The following SCUBE1 variants were observed in gnomAD, a reference collection of about 807,000 sequenced individuals.
SCUBE1 encodes signal peptide, CUB domain and EGF like domain containing 1.
SCUBE1 carries 59 observed loss-of-function variants against 124.4 expected under a neutral mutation model. The observed-to-expected ratio is 0.47, with a 90% CI of 0.38 to 0.59. The LOEUF (loss-of-function observed/expected upper bound fraction) is 0.59, where lower values mean the gene tolerates loss of function less well. SCUBE1 is among the 20% of genes least tolerant of loss of function. SCUBE1 has a pLI of 0.00. For missense variants in SCUBE1, 1,150 were observed against 1,371.2 expected, an observed-to-expected ratio of 0.84 and a Z score of 2.55; for synonymous variants, 545 against 550.9, an observed-to-expected ratio of 0.99 and a Z score of 0.15.
At chr22:43,253,156 A>G (rs1923523314) in intron 6 of SCUBE1, among the ~76,000 whole-genome samples, 1 of 151,920 alleles carries the variant, frequency 6.6e-6, no homozygotes, top group Admixed American at 6.6e-5. Context: ...CTTACTCTCC[A>G]TACCTTGCCT....
At chr22:43,308,987 C>A (rs1926077199) in intron 3 of SCUBE1, among the ~76,000 whole-genome samples, 1 of 152,232 alleles carries the variant, frequency 6.6e-6, no homozygotes, top group Non-Finnish European at 1.5e-5. Flanking sequence ...ACAGTAAGTA[C>A]AAGAACCAGC....
intron 3 of SCUBE1, among the ~76,000 whole-genome samples, chr22:43,319,114 A>C (rs1926450721): frequency 6.6e-6 from 1 of 152,176 alleles, no homozygotes; most frequent in Non-Finnish European, 1.5e-5. Context: ...TGTCACTTCA[A>C]AATTCCTTTG....
At chr22:43,322,122 T>G (rs1238337773) in intron 2 of SCUBE1, among the ~76,000 whole-genome samples, 1 of 152,160 alleles carries the variant, frequency 6.6e-6, no homozygotes, top group Non-Finnish European at 1.5e-5. Flanking sequence ...GTAGCTGGAC[T>G]ACAGGCACGT....
intron 4 of SCUBE1, among the ~76,000 whole-genome samples, chr22:43,281,514 A>AGTCACCCTCCTGTCACCTCCCTCTTTG (rs1924880806): frequency 7.8e-5 from 4 of 51,420 alleles, no homozygotes; most frequent in African/African-American, 4.0e-4. Flanking sequence ...CCTCCTCCTC[A>AGTCACCCTCCTGTCACCTCCCTCTTTG]GCCACCCTCC....
chr22:43,235,418 C>G (rs1458345274), intron 7 of SCUBE1, among the ~76,000 whole-genome samples: 2 of 152,206 alleles, frequency 1.3e-5, no homozygotes, highest in Non-Finnish European at 2.9e-5. Context: ...TGGCACCATC[C>G]TGGAGTGCCC....
chr22:43,334,653 A>G (rs1203153126), intron 2 of SCUBE1, among the ~76,000 whole-genome samples: 2 of 151,968 alleles, frequency 1.3e-5, no homozygotes, highest in East Asian at 3.9e-4. Context: ...CACCATCAAC[A>G]TTATCATCAC....
intron 2 of SCUBE1, among the ~76,000 whole-genome samples, chr22:43,321,114 G>A (rs575357839): frequency 1.3e-5 from 2 of 152,322 alleles, no homozygotes; most frequent in African/African-American, 4.8e-5. Flanking sequence ...ACCGGAACCG[G>A]AAGTGCAGCA....
At position 43,211,016 on chromosome 22, in the gene SCUBE1, G is replaced by A. The variant is rs1395507614; in HGVS notation, c.2289C>T (p.Thr763=). The A allele has an allele frequency of 2.5e-6, 4 of 1,614,048 alleles. No homozygotes were observed. The highest frequency in any genetic ancestry group is 3.4e-6 in the Non-Finnish European group (4 of 1,180,026). Residue 763 remains threonine (T), a synonymous_variant, in exon 18 of 22, where the codon ACC becomes ACT. Coordinates refer to ENST00000360835, the MANE Select transcript of SCUBE1 (RefSeq NM_173050.5). This position sits in a 1 kb window ranked among gnomAD's most constrained non-coding sequence, Gnocchi z 4.5. The part of the protein sequence containing the change: ...THRCIRCPVG[T]YQPEFGQNHC... ...GGTTCTGGCCAAACTCGGGCTGGTA[G>A]GTGCCGACGGGGCAGCGGATGCAGC... is the stretch of plus-strand genomic sequence containing the variant.
At chr22:43,268,829 GTGTCAGAAAGAT>G (rs1424941170) in intron 4 of SCUBE1, among the ~76,000 whole-genome samples, 1 of 152,216 alleles carries the variant, frequency 6.6e-6, no homozygotes, top group Non-Finnish European at 1.5e-5. Context: ...ACACGCTTGT[GTGTCAGAAAGAT>G]CTCTGGAGGC....
intron 4 of SCUBE1, among the ~76,000 whole-genome samples, chr22:43,269,013 GGAA>G (rs1206741031): frequency 6.6e-6 from 1 of 152,138 alleles, no homozygotes; most frequent in African/African-American, 2.4e-5. Context: ...TGAGTTTTCT[GGAA>G]GAAGTGATGT....
intron 14 of SCUBE1, among the ~76,000 whole-genome samples, chr22:43,219,693 T>C (rs1222035847): frequency 6.6e-6 from 1 of 152,142 alleles, no homozygotes; most frequent in Non-Finnish European, 1.5e-5. Flanking sequence ...AGGCTGGTCT[T>C]GAACTCCTGA....
At chr22:43,206,928 G>T (rs183520456) in intron 21 of SCUBE1, among the ~76,000 whole-genome samples, 27 of 152,308 alleles carry the variant, frequency 1.8e-4, no homozygotes, top group African/African-American at 5.8e-4. Flanking sequence ...GAATCTTCCC[G>T]AACTCTGCAA....
intron 6 of SCUBE1, among the ~76,000 whole-genome samples, chr22:43,256,433 G>A (rs559104599): frequency 7.2e-5 from 11 of 152,286 alleles, no homozygotes; most frequent in African/African-American, 2.6e-4. Flanking sequence ...TCCCAAGGGG[G>A]ACACAGATGA....
chr22:43,212,634 C>A lies in SCUBE1; in HGVS notation c.2054-42G>T. 5 of 1,541,496 alleles carry A rather than the reference C, an allele frequency of 3.2e-6. No individual in the cohort carries two copies. In the South Asian group the frequency reaches 6.0e-5, roughly 18 times the overall value. ...ATGGCTCAGGCGGGCAGGAGGGCAC[C>A]GCAGGGCCGAGGCTGTGGGTGGTCT... On this transcript the variant is annotated intron_variant, in intron 16 of 21. Coordinates refer to ENST00000360835, the MANE Select transcript of SCUBE1 (RefSeq NM_173050.5).
At chr22:43,222,844 G>C in intron 11 of SCUBE1, 102 bp from the exon 12 acceptor site, 1 of 1,044,280 alleles carries the variant, frequency 9.6e-7, no homozygotes, top group Non-Finnish European at 1.4e-6. Flanking sequence ...ACGAAGATCA[G>C]GACAGATTCT....
Position 43,255,804 on chromosome 22 carries a change from G to C in SCUBE1, c.727+2415C>G, listed in dbSNP as rs1923639166. On this transcript the variant is annotated intron_variant, in intron 6 of 21. Coordinates refer to ENST00000360835, the MANE Select transcript of SCUBE1 (RefSeq NM_173050.5). The surrounding 1 kb of genome is among the most constrained non-coding windows in gnomAD (Gnocchi z 4.7). ...GGGGGCGGGGGGACGTGCAGGAAAG[G>C]AGGAATGACCACAAAGTGACCTGGG... Among the ~76,000 whole-genome samples the C allele has an allele frequency of 6.6e-6, 1 of 152,208 alleles. No homozygotes were observed. Among genetic ancestry groups the C allele is most frequent in the South Asian group, 2.1e-4 (1 of 4,836 alleles).
intron 2 of SCUBE1, among the ~76,000 whole-genome samples, chr22:43,327,522 C>T (rs952043778): frequency 1.3e-5 from 2 of 152,186 alleles, no homozygotes; most frequent in Non-Finnish European, 2.9e-5. Context: ...CAGGGTAGCT[C>T]ACGCCTGTAA....
intron 3 of SCUBE1, among the ~76,000 whole-genome samples, chr22:43,296,018 G>T (rs1338077416): frequency 6.8e-6 from 1 of 147,610 alleles, no homozygotes; most frequent in Non-Finnish European, 1.5e-5. Context: ...AGGGCCTGCA[G>T]CCTCTCTAAC....
intron 6 of SCUBE1, among the ~76,000 whole-genome samples, chr22:43,242,728 G>A (rs926869048): frequency 2.6e-5 from 4 of 152,200 alleles, no homozygotes; most frequent in Non-Finnish European, 4.4e-5. Context: ...TGGACCCTGG[G>A]GGCCCTCCAG....
Sources: gnomAD v4.1 joint callset for allele counts (sites outside exome capture counted in the v4.1 genomes callset) on GRCh38, gnomAD v4.1.1 for gene constraint, Gnocchi (gnomAD v3.1) non-coding constraint, MANE v1.5 for transcripts, NCBI Gene and HGNC (gene_info 2026-07-23, HGNC 2026-07-21) for gene names.